The following APBB2 variants were observed in gnomAD, a reference collection of about 807,000 sequenced individuals.
APBB2 encodes the protein amyloid beta precursor protein binding family B member 2, also known as Fe65-like 1.
In APBB2, 38 loss-of-function variants were observed where a neutral mutation model predicts 82.5. The ratio of observed to expected loss-of-function variants is 0.46; its 90% CI spans 0.36 to 0.60. The LOEUF (loss-of-function observed/expected upper bound fraction) is 0.60, where lower values mean the gene tolerates loss of function less well. Ranked by LOEUF, APBB2 falls within the 20% of genes least tolerant of loss-of-function variation. APBB2 has a pLI of 0.00. For missense variants in APBB2, 772 were observed against 972.3 expected, an observed-to-expected ratio of 0.79 and a Z score of 2.74; for synonymous variants, 341 against 368.2, an observed-to-expected ratio of 0.93 and a Z score of 0.85.
At chr4:41,189,441 G>C (rs1773801589) in intron 1 of APBB2, among the ~76,000 whole-genome samples, 1 of 152,076 alleles carries the variant, frequency 6.6e-6, no homozygotes, top group African/African-American at 2.4e-5. Flanking sequence ...CATATATATG[G>C]AAAAATCAAG....
At chr4:40,874,103 C>T (rs140550571) in intron 12 of APBB2, among the ~76,000 whole-genome samples, 6 of 152,154 alleles carry the variant, frequency 3.9e-5, no homozygotes, top group South Asian at 2.1e-4. Flanking sequence ...ATTAACGAGG[C>T]GAAATATTAG....
intron 12 of APBB2, among the ~76,000 whole-genome samples, chr4:40,851,683 G>A (rs1759411360): frequency 6.8e-6 from 1 of 146,462 alleles, no homozygotes; most frequent in South Asian, 2.1e-4. Context: ...CCCATCTGCT[G>A]AAAATACTGA....
intron 1 of APBB2, among the ~76,000 whole-genome samples, chr4:41,197,085 C>T: frequency 6.6e-6 from 1 of 152,220 alleles, no homozygotes; most frequent in Non-Finnish European, 1.5e-5. Context: ...GATTTAACAA[C>T]AAAATCATGT....
intron 12 of APBB2, among the ~76,000 whole-genome samples, chr4:40,857,754 G>T (rs566609845): frequency 7.1e-6 from 1 of 141,618 alleles, no homozygotes; most frequent in East Asian, 2.5e-4. Flanking sequence ...ACAGGGGTGA[G>T]CCACCGCACC....
chr4:41,030,146 AC>A (rs1384734139), intron 5 of APBB2, among the ~76,000 whole-genome samples: 1 of 151,932 alleles, frequency 6.6e-6, no homozygotes. Flanking sequence ...ACAGAGCTAG[AC>A]TCCATCTCAA....
Position 40,886,336 on chromosome 4 carries a change from C to T in APBB2, c.1529+4028G>A, listed in dbSNP as rs552510280. On this transcript the variant is annotated intron_variant, in intron 12 of 17. Transcript: ENST00000508593. ...TCTACTAAAAATACAAAAAATTGGC[C>T]GGGCGTGGTGGCGGGCGCCTGTAGT... Among the ~76,000 whole-genome samples, 8 of 152,120 alleles carry T rather than the reference C, an allele frequency of 5.3e-5. No individual in the cohort carries two copies. In the South Asian group the frequency reaches 8.3e-4, roughly 16 times the overall value.
intron 2 of APBB2, among the ~76,000 whole-genome samples, chr4:41,108,147 GAC>G (rs529590201): frequency 1.3e-5 from 2 of 152,020 alleles, no homozygotes; most frequent in Non-Finnish European, 2.9e-5. Flanking sequence ...AAGAGACACA[GAC>G]ACAAAAAAAC....
At chr4:41,002,151 T>A (rs1294052607) in intron 6 of APBB2, among the ~76,000 whole-genome samples, 2 of 152,218 alleles carry the variant, frequency 1.3e-5, no homozygotes, top group Non-Finnish European at 2.9e-5. Flanking sequence ...CAAGGGTAAC[T>A]GGTAACTACC....
intron 3 of APBB2, among the ~76,000 whole-genome samples, chr4:41,087,905 G>A (rs981162336): frequency 2.5e-4 from 38 of 152,144 alleles, no homozygotes; most frequent in African/African-American, 8.9e-4. Context: ...CAAATAATGG[G>A]GGGATAGCCT....
chr4:41,115,389 T>C (rs1284173873), intron 2 of APBB2, among the ~76,000 whole-genome samples: 1 of 152,130 alleles, frequency 6.6e-6, no homozygotes, highest in Non-Finnish European at 1.5e-5. Context: ...ACCTAGAGAA[T>C]ACCATTCAGG....
chr4:41,156,014 T>G (rs986255311), intron 1 of APBB2, among the ~76,000 whole-genome samples: 1 of 151,178 alleles, frequency 6.6e-6, no homozygotes, highest in African/African-American at 2.4e-5. Flanking sequence ...TATAACAACA[T>G]TTGTTGGAAA....
At chr4:40,947,318 T>C (rs1437441237) in intron 6 of APBB2, among the ~76,000 whole-genome samples, 1 of 152,214 alleles carries the variant, frequency 6.6e-6, no homozygotes, top group African/African-American at 2.4e-5. Context: ...AGCTGCCAGT[T>C]ACCATTTCTG....
intron 5 of APBB2, among the ~76,000 whole-genome samples, chr4:41,029,021 G>A (rs943961622): frequency 2.0e-5 from 3 of 152,148 alleles, no homozygotes; most frequent in African/African-American, 4.8e-5. Context: ...TTACTCCCGC[G>A]ACATGCTTAT....
chr4:40,881,170 T>C (rs1166332678), intron 12 of APBB2: 2 of 985,334 alleles, frequency 2.0e-6, no homozygotes, highest in East Asian at 1.1e-4. Context: ...CTGCTTATCA[T>C]GGAGCTGCAT....
chr4:40,857,557 G>A (rs1055198404), intron 12 of APBB2, among the ~76,000 whole-genome samples: 4 of 152,006 alleles, frequency 2.6e-5, no homozygotes, highest in African/African-American at 9.7e-5. Flanking sequence ...TGCAACCTCC[G>A]CTTCCCAGGT....
chr4:41,027,804 T>C (rs959655173), intron 5 of APBB2, among the ~76,000 whole-genome samples: 2 of 152,050 alleles, frequency 1.3e-5, no homozygotes, highest in African/African-American at 2.4e-5. Flanking sequence ...ACAATGAGGG[T>C]TAGTCTTTAG....
At chr4:40,891,446 C>G (rs1478132063) in intron 11 of APBB2, among the ~76,000 whole-genome samples, 2 of 152,158 alleles carry the variant, frequency 1.3e-5, no homozygotes, top group East Asian at 3.8e-4. Flanking sequence ...GAAGTTCTGG[C>G]TCAGCAGAAC....
At chr4:41,013,559 A>C in intron 6 of APBB2, 24 bp downstream of exon 6, 1 of 1,571,542 alleles carries the variant, frequency 6.4e-7, no homozygotes, top group South Asian at 1.2e-5. Flanking sequence ...GTGCCAGCTG[A>C]GGCTACGCCT....
intron 1 of APBB2, among the ~76,000 whole-genome samples, chr4:41,175,358 TTC>T (rs757884543): frequency 1.2e-4 from 18 of 152,350 alleles, no homozygotes; most frequent in Non-Finnish European, 2.4e-4. Context: ...CTTCCCTATA[TTC>T]TGTTTTTTCC....
Sources: allele counts gnomAD v4.1 joint callset (sites outside exome capture counted in the v4.1 genomes callset), GRCh38; gene constraint gnomAD v4.1.1; transcripts MANE v1.5; gene names NCBI Gene and HGNC (gene_info 2026-07-23, HGNC 2026-07-21).